Variants in VWA2 observed in about 807,000 individuals in gnomAD.
VWA2 encodes von Willebrand factor A domain containing 2.
In VWA2, 73 loss-of-function variants were observed where a neutral mutation model predicts 70.4. The ratio of observed to expected loss-of-function variants is 1.04; its 90% CI spans 0.86 to 1.26. The LOEUF is 1.26. Among genes scored for constraint, VWA2 ranks in the 50% most tolerant of loss-of-function variants. The pLI is 0.00. For missense variants in VWA2, 1,011 were observed against 998.5 expected (o/e 1.01, Z -0.17); for synonymous variants, 407 against 423.3 (o/e 0.96, Z 0.47).
chr10:114,290,019 T>G, intron 12 of VWA2: 2 of 426,500 alleles, frequency 4.7e-6, no homozygotes, highest in East Asian at 4.0e-5. Context: ...AAGTCTGCCA[T>G]GTGTATGGCA....
At chr10:114,256,395 G>T (rs913279084) in intron 4 of VWA2, among the ~76,000 whole-genome samples, 11 of 152,166 alleles carry the variant, frequency 7.2e-5, no homozygotes, top group African/African-American at 2.7e-4. Flanking sequence ...GATAAAGGGG[G>T]ATGAATGAAA....
rs935401497 is a variant in VWA2, at chr10:114,292,451, TTTAA to T, written c.*1217_*1220del. Among the ~76,000 whole-genome samples, 3 of 151,884 alleles carry T rather than the reference TTTAA, an allele frequency of 2.0e-5. No individual in the cohort carries two copies. The highest frequency in any genetic ancestry group is 4.8e-5 in the African/African-American group (2 of 41,284). ...AGCATTGATCTTACGCTGTCTAGGTTTTAATTTTGTTTTGCTTTGCTTTTCTACA... is the reference window on the plus strand; with the variant it reads ...AGCATTGATCTTACGCTGTCTAGGTTTTTTGTTTTGCTTTGCTTTTCTACA... On this transcript the variant is annotated 3_prime_UTR_variant, in exon 14 of 14. Transcript: ENST00000392982.
chr10:114,291,391 C>T lies in VWA2; in HGVS notation c.*154C>T, dbSNP rs1258689654. On this transcript the variant is annotated 3_prime_UTR_variant, in exon 14 of 14. Coordinates refer to ENST00000392982, the MANE Select transcript of VWA2 (RefSeq NM_001272046.2). ...CCGCCGTGGCCAGGACCACTATTCTCACTGAGGGAGGAGGATGTCCCAACT... is the reference window on the plus strand; with the variant it reads ...CCGCCGTGGCCAGGACCACTATTCTTACTGAGGGAGGAGGATGTCCCAACT... 33 of 852,060 alleles carry T rather than the reference C, an allele frequency of 3.9e-5. 1 individual carries two copies. Among genetic ancestry groups the T allele is most frequent in the Non-Finnish European group, 5.6e-5 (32 of 574,650 alleles). The allele number at this position is 852,060 out of a possible 1,614,324, so 52.8% of individuals were successfully genotyped here. A position where few individuals can be genotyped will look rare whatever the true frequency, so the allele number is the denominator to read the frequency against.
rs1006987552 is a variant in VWA2, at chr10:114,262,753, C to T, written c.371+1458C>T. On this transcript the variant is annotated intron_variant, in intron 5 of 13. Coordinates refer to ENST00000392982, the MANE Select transcript of VWA2 (RefSeq NM_001272046.2). ...TTAGACTCTCTATCCCAGCCCTTTC[C>T]TCTGCCGTCGAACAGATCAAGCGGC... Among the ~76,000 whole-genome samples, 26 of 152,334 alleles carry T rather than the reference C, an allele frequency of 1.7e-4. No individual in the cohort carries two copies. In the East Asian group the frequency reaches 5.0e-3, roughly 29 times the overall value.
rs752385638 is a variant in VWA2, at chr10:114,284,942, G to A, written c.969G>A (p.Pro323=). The change falls in exon 10 of 14, where the codon CCG becomes CCA. Residue 323 remains proline, a synonymous_variant. Transcript: ENST00000392982. ...EGLDGYQCLC[P]LAFGGEANCA... ...TGGACGGCTACCAGTGCCTCTGCCC[G>A]CTGGCCTTTGGAGGGGAGGCTAACT... 1.4e-5 allele frequency: 23 copies of A among 1,602,460 alleles called. No homozygotes were observed. Among genetic ancestry groups the A allele is most frequent in the African/African-American group, 5.4e-5 (4 of 74,204 alleles).
At chr10:114,258,472 G>T (rs1283680794) in intron 4 of VWA2, among the ~76,000 whole-genome samples, 2 of 152,174 alleles carry the variant, frequency 1.3e-5, no homozygotes, top group Non-Finnish European at 2.9e-5. Flanking sequence ...CTGTTTCTGA[G>T]CGTACAGTAA....
At position 114,255,024 on chromosome 10, in the gene VWA2, C is replaced by A; in HGVS notation, c.237C>A (p.Asp79Glu). The A allele has an allele frequency of 1.2e-6, 2 of 1,612,584 alleles. No homozygotes were observed. Among genetic ancestry groups the A allele is most frequent in the South Asian group, 2.2e-5 (2 of 91,044 alleles). ...AGCACTTTGCCATCACAGTCTGTGA[C>A]GGTCTGGACATCAGCCCCGAGAGGG... ...RSKHFAITVCDGLDISPERVR... is the reference protein window; with the variant it reads ...RSKHFAITVCEGLDISPERVR... The change falls in exon 4 of 14, where the codon GAC becomes GAA. Residue 79 changes from aspartate to glutamate, a missense_variant. Asp to Glu is a conservative substitution (Grantham distance 45). Coordinates refer to ENST00000392982, the MANE Select transcript of VWA2 (RefSeq NM_001272046.2).
At chr10:114,243,416 A>G (rs915940700) in intron 1 of VWA2, among the ~76,000 whole-genome samples, 3 of 152,172 alleles carry the variant, frequency 2.0e-5, no homozygotes, top group African/African-American at 7.2e-5. Context: ...CTCCGTTGAC[A>G]CTCTGAGCCT....
chr10:114,282,607 G>T (rs2038301829), intron 9 of VWA2, 36 bp downstream of exon 9: 2 of 1,585,882 alleles, frequency 1.3e-6, no homozygotes, highest in Middle Eastern at 1.7e-4. Flanking sequence ...GGTTCTTTCA[G>T]GGCCCTGGGC....
intron 5 of VWA2, among the ~76,000 whole-genome samples, chr10:114,261,955 G>C (rs2037453607): frequency 6.6e-6 from 1 of 152,156 alleles, no homozygotes; most frequent in African/African-American, 2.4e-5. Context: ...AGGTGGGGGG[G>C]CAGGTGCATC....
chr10:114,287,203 C>A (rs2039011307), intron 11 of VWA2, among the ~76,000 whole-genome samples: 1 of 152,136 alleles, frequency 6.6e-6, no homozygotes, highest in Non-Finnish European at 1.5e-5. Flanking sequence ...TCTTTTGAGA[C>A]AGGGTCTTGC....
At chr10:114,263,357 G>T (rs2037487338) in intron 5 of VWA2, among the ~76,000 whole-genome samples, 1 of 95,084 alleles carries the variant, frequency 1.1e-5, no homozygotes, top group African/African-American at 4.3e-5. Flanking sequence ...TTTTTTGTGA[G>T]ACGAAGTCTC....
intron 1 of VWA2, chr10:114,246,577 G>C (rs2037077888): frequency 8.1e-7 from 1 of 1,240,458 alleles, no homozygotes; most frequent in Non-Finnish European, 1.2e-6. Flanking sequence ...AGGGACCCAG[G>C]ACCTCATTTT....
At chr10:114,240,265 T>C (rs2036952253) in intron 1 of VWA2, among the ~76,000 whole-genome samples, 1 of 152,200 alleles carries the variant, frequency 6.6e-6, no homozygotes, top group African/African-American at 2.4e-5. Context: ...CTAACAAAAC[T>C]TTCCCTAGCT....
intron 4 of VWA2, among the ~76,000 whole-genome samples, chr10:114,257,235 C>T (rs1396293031): frequency 6.6e-6 from 1 of 152,116 alleles, no homozygotes; most frequent in Non-Finnish European, 1.5e-5. Flanking sequence ...ATGATGTTAA[C>T]CCAGCATAGA....
chr10:114,271,608 A>ACACACACAC lies in VWA2; in HGVS notation c.372-1132_372-1131insCACACACAC, dbSNP rs2037711035. ...ATGTCAGACTTGCATGAGAAGTAAA[A>ACACACACAC]ACACACACACACACACACACACACA... On this transcript the variant is annotated intron_variant, in intron 5 of 13. Coordinates refer to ENST00000392982, the MANE Select transcript of VWA2 (RefSeq NM_001272046.2). Among the ~76,000 whole-genome samples the ACACACACAC allele has an allele frequency of 4.2e-3, 613 of 144,772 alleles. 2 individuals carry two copies. Among genetic ancestry groups the ACACACACAC allele is most frequent in the African/African-American group, 0.015 (589 of 39,158 alleles). The allele number at this position is 144,772 out of a possible 152,430, so 95.0% of individuals were successfully genotyped here.
chr10:114,280,514 T>C (rs1434155235), intron 8 of VWA2, among the ~76,000 whole-genome samples: 1 of 151,992 alleles, frequency 6.6e-6, no homozygotes, highest in Non-Finnish European at 1.5e-5. Context: ...GGCATTTGTG[T>C]CCAGACCTGA....
intron 4 of VWA2, among the ~76,000 whole-genome samples, chr10:114,257,631 TC>T (rs1340531072): frequency 1.3e-5 from 2 of 152,148 alleles, no homozygotes; most frequent in African/African-American, 4.8e-5. Context: ...GTCTTGACCC[TC>T]AGAATTCACA....
Position 114,289,491 on chromosome 10 carries a change from T to A in VWA2, c.2122+2T>A. On this transcript the variant is annotated splice_donor_variant, in intron 12 of 13. Coordinates refer to ENST00000392982, the MANE Select transcript of VWA2 (RefSeq NM_001272046.2). LOFTEE classifies it high-confidence loss of function. Reference sequence around the variant, plus strand: ...TGCTCATTGAGTGGCTGTGTGGAGGTGAGTGGGGGAATCCACACCCTCAGG... The same window carrying A: ...TGCTCATTGAGTGGCTGTGTGGAGGAGAGTGGGGGAATCCACACCCTCAGG... 6.2e-7 allele frequency: 1 copy of A among 1,613,818 alleles called. No individual in the cohort carries two copies. Among genetic ancestry groups the A allele is most frequent in the Non-Finnish European group, 8.5e-7 (1 of 1,179,882 alleles).
Sources: gnomAD v4.1 joint callset for allele counts (sites outside exome capture counted in the v4.1 genomes callset) on GRCh38, gnomAD v4.1.1 for gene constraint, MANE v1.5 for transcripts, NCBI Gene and HGNC (gene_info 2026-07-23, HGNC 2026-07-21) for gene names.